The following NCKAP5 variants were observed in gnomAD, a reference collection of about 807,000 sequenced individuals.
NCKAP5 encodes the protein nck-associated protein 5.
Under a neutral mutation model 167.0 loss-of-function variants are expected in NCKAP5, and 92 were observed. The ratio of observed to expected loss-of-function variants is 0.55; its 90% CI spans 0.47 to 0.66. NCKAP5 has a LOEUF of 0.66. NCKAP5 is among the 30% of genes least tolerant of loss of function. The pLI, the probability that NCKAP5 is intolerant of heterozygous loss-of-function variation, is 0.00. For missense variants in NCKAP5, 2,378 were observed against 2,315.0 expected (o/e 1.03, Z -0.56); for synonymous variants, 891 against 877.4 (o/e 1.02, Z -0.27).
intron 6 of NCKAP5, among the ~76,000 whole-genome samples, chr2:133,011,096 T>C (rs1207023366): frequency 2.6e-5 from 4 of 152,154 alleles, no homozygotes; most frequent in Non-Finnish European, 4.4e-5. Context: ...ATATACTACA[T>C]TGATTAAGCT....
intron 6 of NCKAP5, among the ~76,000 whole-genome samples, chr2:133,026,496 C>T (rs990975206): frequency 1.3e-5 from 2 of 151,780 alleles, no homozygotes; most frequent in African/African-American, 4.8e-5. Flanking sequence ...GAAAAATGTT[C>T]AAGAATTCAG....
chr2:132,858,756 T>G (rs949149676), intron 11 of NCKAP5, among the ~76,000 whole-genome samples: 3 of 152,218 alleles, frequency 2.0e-5, no homozygotes, highest in African/African-American at 7.2e-5. Flanking sequence ...GAATAAACAC[T>G]GATGTCTATT....
chr2:133,028,699 A>G (rs1372474325), intron 6 of NCKAP5, among the ~76,000 whole-genome samples: 1 of 152,182 alleles, frequency 6.6e-6, no homozygotes, highest in Non-Finnish European at 1.5e-5. Flanking sequence ...ATTTTGATAT[A>G]GTTTAGATAT....
chr2:132,769,527 A>G (rs1403714750), intron 16 of NCKAP5, among the ~76,000 whole-genome samples: 5 of 152,176 alleles, frequency 3.3e-5, no homozygotes, highest in Admixed American at 1.3e-4. Flanking sequence ...GAAAATATAT[A>G]TATTCTCAGC....
Position 132,781,168 on chromosome 2 carries a change from C to T in NCKAP5, c.4933G>A (p.Val1645Met), listed in dbSNP as rs757147273. Reference sequence around the variant, plus strand: ...GAGCCCTGAGAACTGCCCTTTAACACATTCCTGCAGGAAGCATTACTTGAT... The same window carrying T: ...GAGCCCTGAGAACTGCCCTTTAACATATTCCTGCAGGAAGCATTACTTGAT... ...SGSSNASCRN[V>M]LKGSSQGSCL... The change falls in exon 15 of 20, where the codon GTG (valine) becomes ATG (methionine). Residue 1645 changes from valine (V) to methionine (M), a missense_variant. Around this residue, in one of 3 missense-constraint regions of NCKAP5, gnomAD observed 1,325 missense variants for 1,274.5 expected, o/e 1.04. Transcript: ENST00000409261. 1 of 1,613,942 alleles carries T rather than the reference C, an allele frequency of 6.2e-7. No homozygotes were observed. The highest frequency in any genetic ancestry group is 2.2e-5 in the East Asian group (1 of 44,874).
intron 5 of NCKAP5, among the ~76,000 whole-genome samples, chr2:133,143,810 C>T (rs936903039): frequency 6.9e-6 from 1 of 144,844 alleles, no homozygotes; most frequent in East Asian, 1.9e-4. Flanking sequence ...TATTCCCAAC[C>T]AGATTTTTTT....
intron 6 of NCKAP5, among the ~76,000 whole-genome samples, chr2:133,004,499 A>G (rs2077892986): frequency 6.6e-6 from 1 of 152,034 alleles, no homozygotes; most frequent in Non-Finnish European, 1.5e-5. Flanking sequence ...GAGCTGCAAA[A>G]CCAGCAAGTT....
the NCKAP5 span, among the ~76,000 whole-genome samples, chr2:133,657,050 A>G: frequency 3.9e-5 from 6 of 152,276 alleles, no homozygotes; most frequent in African/African-American, 1.4e-4. Context: ...GAGTGACTTC[A>G]CTTAGAATAC....
At chr2:133,321,230 C>A (rs111873582) in intron 3 of NCKAP5, among the ~76,000 whole-genome samples, 1 of 152,180 alleles carries the variant, frequency 6.6e-6, no homozygotes, top group Admixed American at 6.5e-5. Flanking sequence ...ATCACAGCCA[C>A]CCCCATCCCA....
chr2:133,352,622 G>A (rs1247850835), intron 3 of NCKAP5, among the ~76,000 whole-genome samples: 1 of 152,192 alleles, frequency 6.6e-6, no homozygotes, highest in Non-Finnish European at 1.5e-5. Flanking sequence ...CTTGCTGAGT[G>A]GCTGAGTGTA....
intron 12 of NCKAP5, among the ~76,000 whole-genome samples, chr2:132,792,537 G>A (rs936151833): frequency 1.3e-5 from 2 of 152,156 alleles, no homozygotes; most frequent in Non-Finnish European, 2.9e-5. Context: ...TCTCCTGTCT[G>A]TCCTCTCATA....
At chr2:132,929,329 C>T (rs933984337) in intron 8 of NCKAP5, among the ~76,000 whole-genome samples, 2 of 152,068 alleles carry the variant, frequency 1.3e-5, no homozygotes, top group Non-Finnish European at 2.9e-5. Context: ...CTTGCTCTAA[C>T]ACTATGACTG....
intron 19 of NCKAP5, among the ~76,000 whole-genome samples, chr2:132,724,714 C>A (rs185031708): frequency 6.6e-6 from 1 of 152,202 alleles, no homozygotes; most frequent in East Asian, 1.9e-4. Flanking sequence ...ATGATTCAAC[C>A]ACCAATCCTA....
chr2:133,639,449 G>A, the NCKAP5 span, among the ~76,000 whole-genome samples: 4 of 152,132 alleles, frequency 2.6e-5, no homozygotes, highest in African/African-American at 9.7e-5. Context: ...ACACTATCTG[G>A]ATTAGGGGTA....
intron 16 of NCKAP5, among the ~76,000 whole-genome samples, chr2:132,764,671 T>C (rs1027827163): frequency 1.3e-5 from 2 of 152,222 alleles, no homozygotes; most frequent in Admixed American, 1.3e-4. Context: ...TAGTAGCCAA[T>C]AAAACAGTAT....
chr2:133,327,359 T>C (rs1682524328), intron 3 of NCKAP5, among the ~76,000 whole-genome samples: 1 of 152,220 alleles, frequency 6.6e-6, no homozygotes, highest in African/African-American at 2.4e-5. Flanking sequence ...TTACCTTCTC[T>C]CTATGCAGTT....
intron 3 of NCKAP5, among the ~76,000 whole-genome samples, chr2:133,491,415 A>G (rs1453718687): frequency 1.3e-5 from 2 of 152,194 alleles, no homozygotes; most frequent in African/African-American, 4.8e-5. Context: ...GACCTGCCTC[A>G]TGGTAACAAT....
chr2:132,906,518 A>G (rs1027507809), intron 8 of NCKAP5, among the ~76,000 whole-genome samples: 11 of 152,176 alleles, frequency 7.2e-5, no homozygotes, highest in African/African-American at 2.4e-4. Context: ...GCACATGAAG[A>G]AGGCATGAAA....
chr2:132,929,169 T>C (rs762797097), intron 8 of NCKAP5, among the ~76,000 whole-genome samples: 28 of 152,120 alleles, frequency 1.8e-4, no homozygotes, highest in Non-Finnish European at 2.9e-4. Context: ...CAACACAGAA[T>C]CTGCCAGCAC....
Sources: allele counts gnomAD v4.1 joint callset (sites outside exome capture counted in the v4.1 genomes callset), GRCh38; gene constraint gnomAD v4.1.1; regional missense constraint gnomAD v4.1.1; transcripts MANE v1.5; gene names NCBI Gene and HGNC (gene_info 2026-07-23, HGNC 2026-07-21).